Variants in RAD17 observed in about 807,000 individuals in gnomAD.
The protein encoded by RAD17 is cell cycle checkpoint protein RAD17.
A neutral mutation model predicts 81.5 loss-of-function variants in RAD17; 31 were observed. The observed-to-expected ratio is 0.38, with a 90% CI of 0.29 to 0.51. RAD17 has a LOEUF of 0.51. Ranked by LOEUF, RAD17 falls within the 20% of genes least tolerant of loss-of-function variation. The probability of loss-of-function intolerance (pLI) is 0.88; values close to 1 mark genes in which losing one functional copy is unlikely to be tolerated. For missense variants in RAD17, 681 were observed against 781.2 expected, an observed-to-expected ratio of 0.87 and a Z score of 1.53; for synonymous variants, 261 against 266.2, an observed-to-expected ratio of 0.98 and a Z score of 0.19.
intron 7 of RAD17, among the ~76,000 whole-genome samples, chr5:69,382,620 A>G (rs1271710354): frequency 6.6e-6 from 1 of 152,130 alleles, no homozygotes. Flanking sequence ...AGTATTAACT[A>G]AGATATTTTA....
chr5:69,384,440 A>AATGC (rs1456989097), intron 7 of RAD17, among the ~76,000 whole-genome samples: 1 of 152,050 alleles, frequency 6.6e-6, no homozygotes, highest in Admixed American at 6.6e-5. Context: ...TCAGCCCTGC[A>AATGC]AGTAGCCAGA....
intron 6 of RAD17, 85 bp from the exon 7 acceptor site, chr5:69,381,816 A>G (rs1160089449): frequency 2.0e-6 from 2 of 979,336 alleles, no homozygotes; most frequent in Non-Finnish European, 3.0e-6. Context: ...TATAGAAGTA[A>G]ATATATTTAG....
At chr5:69,399,631 A>G (rs969255737) in intron 16 of RAD17, among the ~76,000 whole-genome samples, 3 of 152,194 alleles carry the variant, frequency 2.0e-5, no homozygotes, top group African/African-American at 7.2e-5. Context: ...TAAATTATCT[A>G]AGACTGTTAG....
intron 15 of RAD17, among the ~76,000 whole-genome samples, 198 bp from the exon 16 acceptor site, chr5:69,396,199 A>C (rs543068387): frequency 6.6e-6 from 1 of 152,294 alleles, no homozygotes; most frequent in African/African-American, 2.4e-5. Context: ...CAGGGTTTAC[A>C]CATTTAATTT....
rs569262696 is a variant in RAD17, at chr5:69,411,757, G to A, written c.1751+1207G>A. On this transcript the variant is annotated intron_variant, in intron 18 of 18. Coordinates refer to ENST00000354868, the MANE Select transcript of RAD17 (RefSeq NM_133338.3). ...CTCACATCCCTCTGAATGAAAGCAG[G>A]ACCAAGTCTCTTTGATGGCTTCTCT... 3.3e-5 allele frequency among the ~76,000 whole-genome samples: 5 copies of A among 152,228 alleles called. No homozygotes were observed. In the South Asian group the frequency reaches 1.0e-3, roughly 32 times the overall value.
intron 11 of RAD17, among the ~76,000 whole-genome samples, chr5:69,386,811 C>T (rs2150817029): frequency 6.6e-6 from 1 of 151,852 alleles, no homozygotes; most frequent in Non-Finnish European, 1.5e-5. Context: ...TTTATTTTCA[C>T]ATTTTTTTTA....
intron 7 of RAD17, 100 bp from the exon 8 acceptor site, chr5:69,384,697 A>G: frequency 2.7e-6 from 3 of 1,099,010 alleles, no homozygotes; most frequent in Non-Finnish European, 2.6e-6. Flanking sequence ...AGTCTACAGT[A>G]TTGTGAGATG....
rs28458950 is a variant in RAD17 at position 69,410,969 on chromosome 5, A to C, written c.1751+419A>C. On this transcript the variant is annotated intron_variant, in intron 18 of 18. Coordinates refer to ENST00000354868, the MANE Select transcript of RAD17 (RefSeq NM_133338.3). ...AAGCAAAAAATAGATGTCTGTCTAT[A>C]TATATATATATATATATATATATAT... 8.3e-3 allele frequency among the ~76,000 whole-genome samples: 861 copies of C among 103,618 alleles called. 18 individuals carry two copies. The highest frequency in any genetic ancestry group is 0.023 in the South Asian group (75 of 3,312). The allele number at this position is 103,618 out of a possible 152,430, so 68.0% of individuals were successfully genotyped here.
intron 17 of RAD17, among the ~76,000 whole-genome samples, chr5:69,403,455 A>T (rs1334614403): frequency 6.6e-6 from 1 of 152,224 alleles, no homozygotes; most frequent in African/African-American, 2.4e-5. Context: ...TGACCAACAG[A>T]TTCATCATGT....
intron 18 of RAD17, among the ~76,000 whole-genome samples, chr5:69,412,102 G>A (rs1467548659): frequency 3.3e-5 from 5 of 151,936 alleles, no homozygotes; most frequent in African/African-American, 4.8e-5. Context: ...GACTACAGGC[G>A]CCCGCCACCA....
chr5:69,410,240 ACAG>A (rs1347692195), intron 17 of RAD17, among the ~76,000 whole-genome samples: 1 of 152,196 alleles, frequency 6.6e-6, no homozygotes, highest in Non-Finnish European at 1.5e-5. Context: ...ACTGTTTTCC[ACAG>A]CAGCTACACC....
chr5:69,369,970 G>A, intron 1 of RAD17, 37 bp downstream of exon 1: 1 of 506,826 alleles, frequency 2.0e-6, no homozygotes, highest in Non-Finnish European at 3.5e-6. Flanking sequence ...TTATGTATAT[G>A]TCTTAGAGAC....
chr5:69,396,678 T>C, intron 16 of RAD17, 132 bp downstream of exon 16: 1 of 1,040,776 alleles, frequency 9.6e-7, no homozygotes, highest in Non-Finnish European at 1.3e-6. Flanking sequence ...AAATAGTTGC[T>C]AAGGTCCACA....
intron 6 of RAD17, among the ~76,000 whole-genome samples, chr5:69,377,467 A>ATG (rs1763441703): frequency 1.2e-3 from 7 of 5,746 alleles, no homozygotes; most frequent in Non-Finnish European, 7.2e-3. Context: ...ATATATATAT[A>ATG]TATATATACA....
chr5:69,403,851 G>T (rs1440164475), intron 17 of RAD17, among the ~76,000 whole-genome samples: 1 of 152,182 alleles, frequency 6.6e-6, no homozygotes, highest in Admixed American at 6.5e-5. Flanking sequence ...AGCCCGGGAA[G>T]TGAAGGGTGT....
At chr5:69,385,189 T>C (rs574467869) in intron 8 of RAD17, among the ~76,000 whole-genome samples, 4 of 151,682 alleles carry the variant, frequency 2.6e-5, no homozygotes, top group South Asian at 2.1e-4. Flanking sequence ...CTCGATCTCC[T>C]GACCTCATGA....
intron 5 of RAD17, 152 bp downstream of exon 5, chr5:69,374,239 G>A: frequency 1.5e-6 from 1 of 683,134 alleles, no homozygotes; most frequent in South Asian, 2.5e-5. Flanking sequence ...ATTTTCCAAG[G>A]CTTAGATTTT....
intron 17 of RAD17, among the ~76,000 whole-genome samples, chr5:69,407,467 T>A (rs1406419153): frequency 2.6e-5 from 4 of 152,030 alleles, no homozygotes; most frequent in Non-Finnish European, 5.9e-5. Context: ...GTCCTTCTAG[T>A]CTTTCATTAG....
At chr5:69,387,097 T>A (rs557881869) in intron 11 of RAD17, among the ~76,000 whole-genome samples, 8 of 152,112 alleles carry the variant, frequency 5.3e-5, no homozygotes, top group East Asian at 1.9e-4. Flanking sequence ...GCTAATTTTT[T>A]AATTTTTTTT....
Sources: allele counts gnomAD v4.1 joint callset (sites outside exome capture counted in the v4.1 genomes callset), GRCh38; gene constraint gnomAD v4.1.1; transcripts MANE v1.5; gene names NCBI Gene and HGNC (gene_info 2026-07-23, HGNC 2026-07-21).